The following ZBTB17 variants were observed in gnomAD, a reference collection of about 807,000 sequenced individuals.
ZBTB17 encodes zinc finger and BTB domain-containing protein 17.
A neutral mutation model predicts 85.1 loss-of-function variants in ZBTB17; 24 were observed. The observed-to-expected ratio is 0.28, with a 90% CI of 0.20 to 0.40. The LOEUF (loss-of-function observed/expected upper bound fraction) is 0.40. ZBTB17 is among the 10% of genes least tolerant of loss of function. The pLI is 1.00. For missense variants in ZBTB17, 743 were observed against 1,105.1 expected (o/e 0.67, Z 4.65); for synonymous variants, 464 against 460.2 (o/e 1.01, Z -0.11).
intron 2 of ZBTB17, among the ~76,000 whole-genome samples, chr1:15,962,972 C>G (rs746167553): frequency 9.2e-5 from 14 of 152,094 alleles, no homozygotes; most frequent in Non-Finnish European, 1.9e-4. Flanking sequence ...AAAAATAAAG[C>G]AAATCCAAGG....
intron 2 of ZBTB17, 86 bp downstream of exon 2, chr1:15,972,953 G>A (rs1419235216): frequency 6.6e-6 from 1 of 152,166 alleles, no homozygotes; most frequent in Non-Finnish European, 1.5e-5. Context: ...AAGGCTATCA[G>A]GAAAGAATCA....
chr1:15,958,515 G>A (rs1185639186), intron 2 of ZBTB17, among the ~76,000 whole-genome samples: 3 of 152,154 alleles, frequency 2.0e-5, no homozygotes, highest in Non-Finnish European at 2.9e-5. Flanking sequence ...AGAAGGCCTG[G>A]GAACTCAATT....
At chr1:15,960,246 A>C (rs2072209874) in intron 2 of ZBTB17, among the ~76,000 whole-genome samples, 1 of 152,192 alleles carries the variant, frequency 6.6e-6, no homozygotes, top group South Asian at 2.1e-4. Flanking sequence ...TGCAGGCACA[A>C]TCTCTGCACC....
intron 2 of ZBTB17, chr1:15,969,617 C>T: frequency 4.7e-6 from 2 of 423,178 alleles, no homozygotes; most frequent in South Asian, 3.5e-5. Flanking sequence ...GTGGGGGGAG[C>T]AGGGCAGGGA....
intron 2 of ZBTB17, chr1:15,969,689 C>T: frequency 2.1e-6 from 1 of 470,250 alleles, no homozygotes; most frequent in South Asian, 1.5e-5. Flanking sequence ...TTCGCCATCG[C>T]CAGCATCACC....
intron 2 of ZBTB17, among the ~76,000 whole-genome samples, chr1:15,949,697 G>C (rs1490578711): frequency 6.6e-6 from 1 of 152,248 alleles, no homozygotes; most frequent in Admixed American, 6.5e-5. Context: ...CAGCATCTTG[G>C]GGGGTGAATC....
chr1:15,962,688 C>T (rs848197), intron 2 of ZBTB17, among the ~76,000 whole-genome samples: 1,558 of 152,330 alleles, frequency 0.01, 18 homozygotes, highest in South Asian at 0.05. Context: ...TTCAACAGAT[C>T]CTGAGCCTGT....
chr1:15,971,521 T>TAC (rs1302643379), intron 2 of ZBTB17, among the ~76,000 whole-genome samples: 1 of 133,782 alleles, frequency 7.5e-6, no homozygotes, highest in South Asian at 2.3e-4. Context: ...ACTATATATA[T>TAC]ACACACACAC....
At chr1:15,969,196 T>C (rs2072551598) in intron 2 of ZBTB17, among the ~76,000 whole-genome samples, 1 of 152,206 alleles carries the variant, frequency 6.6e-6, no homozygotes, top group Non-Finnish European at 1.5e-5. Flanking sequence ...ATCTAATGCC[T>C]GATGATCTGT....
Position 15,942,272 on chromosome 1 carries a change from G to A in ZBTB17, c.2129-20C>T. On this transcript the variant is annotated intron_variant, in intron 15 of 15. Coordinates refer to ENST00000375743, the MANE Select transcript of ZBTB17 (RefSeq NM_003443.3). ...TGGGGTCTGTGGAGGTGGGGCAGCA[G>A]TCAGAGTGGGAAGGACCCCGGGCTC... 5.6e-6 allele frequency: 9 copies of A among 1,613,272 alleles called. No individual in the cohort carries two copies. Among genetic ancestry groups the A allele is most frequent in the Non-Finnish European group, 7.6e-6 (9 of 1,179,466 alleles).
At position 15,944,582 on chromosome 1, in the gene ZBTB17, G is replaced by T; in HGVS notation, c.1089C>A (p.Gly363=). The T allele has an allele frequency of 6.3e-7, 1 of 1,599,050 alleles. No homozygotes were observed. Among genetic ancestry groups the T allele is most frequent in the Non-Finnish European group, 8.5e-7 (1 of 1,179,300 alleles). Reference sequence around the variant, plus strand: ...GGTAGCTCTTCCCGCACTCCTCGCAGCCGTAGGGCTTCAGAGGGCTGCAGG... The same window carrying T: ...GGTAGCTCTTCCCGCACTCCTCGCATCCGTAGGGCTTCAGAGGGCTGCAGG... ...EKTHSPLKPY[G]CEECGKSYRL... is the part of the protein sequence containing the mutation. Residue 363 remains glycine, a synonymous_variant, in exon 9 of 16, where the codon GGC becomes GGA. Coordinates refer to ENST00000375743, the MANE Select transcript of ZBTB17 (RefSeq NM_003443.3).
intron 2 of ZBTB17, among the ~76,000 whole-genome samples, chr1:15,949,712 C>T (rs2071758987): frequency 1.3e-5 from 2 of 152,238 alleles, no homozygotes; most frequent in Non-Finnish European, 2.9e-5. Flanking sequence ...TGAATCACTG[C>T]CGCAGCTCTG....
rs1011662185 is a variant in ZBTB17 at position 15,953,293 on chromosome 1, G to A, written c.-2-4796C>T. ...CTTCTAAAGTGCTGGGATTACAGGCGTGTGCTACTGCACCCAGCCATTTTT... is the reference window on the plus strand; with the variant it reads ...CTTCTAAAGTGCTGGGATTACAGGCATGTGCTACTGCACCCAGCCATTTTT... On this transcript the variant is annotated intron_variant, in intron 2 of 15. Transcript: ENST00000375743. The surrounding 1 kb of genome is among the most constrained non-coding windows in gnomAD (Gnocchi z 5.1). Among the ~76,000 whole-genome samples the A allele has an allele frequency of 1.3e-4, 20 of 152,094 alleles. 1 individual carries two copies. The South Asian group carries it at 1.9e-3, about 14-fold the overall frequency.
Position 15,973,438 on chromosome 1 carries a change from C to T in ZBTB17, c.-89-313G>A, listed in dbSNP as rs893775758. Among the ~76,000 whole-genome samples the T allele has an allele frequency of 6.6e-6, 1 of 152,204 alleles. No homozygotes were observed. The highest frequency in any genetic ancestry group is 1.5e-5 in the Non-Finnish European group (1 of 68,028). On this transcript the variant is annotated intron_variant, in intron 1 of 15. Coordinates refer to ENST00000375743, the MANE Select transcript of ZBTB17 (RefSeq NM_003443.3). This position sits in a 1 kb window ranked among gnomAD's most constrained non-coding sequence, Gnocchi z 4.1. ...AAGCATTACTGCAGCATTGGCACTG[C>T]TCTGGGATATCCTGGACACTTTGTT...
rs112043935 is a variant in ZBTB17 at position 15,953,180 on chromosome 1, ATT to A, written c.-2-4685_-2-4684del. Among the ~76,000 whole-genome samples the A allele has an allele frequency of 6.9e-6, 1 of 145,230 alleles. No homozygotes were observed. Among genetic ancestry groups the A allele is most frequent in the Non-Finnish European group, 1.5e-5 (1 of 65,730 alleles). ...ACATTCCAATTATTTAAAAAAATGT[ATT>A]TTTTTTTTTTTGTAGAAGCAGGATT... is the stretch of plus-strand genomic sequence containing the variant. On this transcript the variant is annotated intron_variant, in intron 2 of 15. Transcript: ENST00000375743. The surrounding 1 kb of genome is among the most constrained non-coding windows in gnomAD (Gnocchi z 5.1).
chr1:15,961,925 C>T (rs1472550539), intron 2 of ZBTB17, among the ~76,000 whole-genome samples: 2 of 152,106 alleles, frequency 1.3e-5, no homozygotes, highest in East Asian at 3.8e-4. Flanking sequence ...ATCAGTAAAC[C>T]GGGAGAGGTG....
At chr1:15,946,867 G>C (rs1557777067) in intron 4 of ZBTB17, 68 bp downstream of exon 4, 1 of 1,524,298 alleles carries the variant, frequency 6.6e-7, no homozygotes, top group Non-Finnish European at 8.9e-7. Context: ...CAGAAAGTCA[G>C]AGGCAGAGCC....
intron 2 of ZBTB17, among the ~76,000 whole-genome samples, chr1:15,950,430 TCTC>T (rs1337481184): frequency 2.0e-5 from 3 of 152,126 alleles, no homozygotes; most frequent in African/African-American, 4.8e-5. Context: ...AGAGCTGTCT[TCTC>T]CTGGCTGTGG....
In ZBTB17 at chr1:15,945,137, CCTCCTCTTG is replaced by C. The variant is rs573935183; in HGVS notation, c.718_726del (p.Gln240_Glu242del). Reference sequence around the variant, plus strand: ...TTGACCTCAGCTGGCCCTGCGCCCTCCTCCTCTTGCTCCTCTTGCTCCTTTTGCTCCTCT... The same window carrying C: ...TTGACCTCAGCTGGCCCTGCGCCCTCCTCCTCTTGCTCCTTTTGCTCCTCT... On this transcript the variant is annotated inframe_deletion, in exon 7 of 16. Transcript: ENST00000375743. The C allele has an allele frequency of 5.0e-5, 80 of 1,597,182 alleles. 1 individual carries two copies. The highest frequency in any genetic ancestry group is 3.6e-4 in the South Asian group (32 of 88,014).
Sources: gnomAD v4.1 joint callset for allele counts (sites outside exome capture counted in the v4.1 genomes callset) on GRCh38, gnomAD v4.1.1 for gene constraint, Gnocchi (gnomAD v3.1) non-coding constraint, MANE v1.5 for transcripts, NCBI Gene and HGNC (gene_info 2026-07-23, HGNC 2026-07-21) for gene names.